Variants in NSUN6 observed in about 807,000 individuals in gnomAD.
NSUN6 encodes NOP2/Sun RNA methyltransferase 6, also known as tRNA (cytosine(72)-C(5))-methyltransferase NSUN6.
A neutral mutation model predicts 58.0 loss-of-function variants in NSUN6; 64 were observed. The observed-to-expected ratio is 1.10, with a 90% CI of 0.90 to 1.36. The LOEUF is 1.36. Among genes scored for constraint, NSUN6 ranks in the 40% most tolerant of loss-of-function variants. The pLI is 0.00. For missense variants in NSUN6, 701 were observed against 550.1 expected (o/e 1.27, Z -2.74); for synonymous variants, 231 against 193.9 (o/e 1.19, Z -1.59).
At chr10:18,633,483 A>G (rs188327406) in intron 3 of NSUN6, among the ~76,000 whole-genome samples, 11 of 152,298 alleles carry the variant, frequency 7.2e-5, no homozygotes, top group Admixed American at 6.5e-4. Context: ...AATAAAACTA[A>G]GAAACAGCTA....
intron 6 of NSUN6, among the ~76,000 whole-genome samples, chr10:18,599,846 T>C (rs926281680): frequency 1.3e-5 from 2 of 152,200 alleles, no homozygotes; most frequent in African/African-American, 4.8e-5. Context: ...TTGAAAACAG[T>C]TGCTGTATTT....
chr10:18,556,375 G>A (rs538067217), intron 8 of NSUN6, among the ~76,000 whole-genome samples: 1 of 150,740 alleles, frequency 6.6e-6, no homozygotes, highest in South Asian at 2.1e-4. Flanking sequence ...AGAATGGAAG[G>A]CAATGGAATG....
intron 8 of NSUN6, among the ~76,000 whole-genome samples, chr10:18,559,548 A>C (rs1020062325): frequency 6.7e-5 from 10 of 150,302 alleles, no homozygotes; most frequent in Admixed American, 6.0e-4. Flanking sequence ...AGTGGAGAAT[A>C]GAAACGAATT....
At chr10:18,573,620 C>G (rs75531151) in intron 8 of NSUN6, among the ~76,000 whole-genome samples, 2 of 152,092 alleles carry the variant, frequency 1.3e-5, no homozygotes, top group Non-Finnish European at 2.9e-5. Context: ...TTCTCCAGTA[C>G]GTGGATGACC....
At chr10:18,554,327 G>GTGGAA (rs1343195863) in intron 8 of NSUN6, among the ~76,000 whole-genome samples, 1 of 150,398 alleles carries the variant, frequency 6.6e-6, no homozygotes, top group South Asian at 2.1e-4. Flanking sequence ...GGAATGCAAT[G>GTGGAA]TGGAATGGAA....
intron 8 of NSUN6, among the ~76,000 whole-genome samples, chr10:18,583,788 C>A (rs1326646104): frequency 3.3e-5 from 5 of 152,140 alleles, no homozygotes; most frequent in Non-Finnish European, 5.9e-5. Flanking sequence ...AATGAGCATA[C>A]TTGAAGACAG....
chr10:18,635,408 A>G (rs1276038934), intron 3 of NSUN6, among the ~76,000 whole-genome samples: 2 of 152,220 alleles, frequency 1.3e-5, no homozygotes, highest in Non-Finnish European at 2.9e-5. Context: ...GATGTAGGTA[A>G]TATCTGTGCC....
At chr10:18,603,682 G>A (rs1047681867) in intron 6 of NSUN6, among the ~76,000 whole-genome samples, 13 of 151,960 alleles carry the variant, frequency 8.6e-5, no homozygotes, top group Non-Finnish European at 2.9e-5. Context: ...TCACCATGTT[G>A]GCTGCGCTGG....
intron 6 of NSUN6, among the ~76,000 whole-genome samples, chr10:18,606,820 A>C (rs1371942348): frequency 1.3e-5 from 2 of 152,234 alleles, no homozygotes; most frequent in East Asian, 3.8e-4. Context: ...AAGTTTTTCA[A>C]GTGATTTGAT....
chr10:18,621,868 G>A (rs1349398346), intron 3 of NSUN6, among the ~76,000 whole-genome samples: 1 of 152,188 alleles, frequency 6.6e-6, no homozygotes, highest in East Asian at 1.9e-4. Flanking sequence ...ACACCAAATG[G>A]AAGGTGATGG....
Position 18,651,121 on chromosome 10 carries a change from T to C in NSUN6, c.75+8A>G. The C allele has an allele frequency of 6.4e-7, 1 of 1,573,056 alleles. No homozygotes were observed. Among genetic ancestry groups the C allele is most frequent in the Non-Finnish European group, 8.6e-7 (1 of 1,168,870 alleles). On this transcript the variant is annotated splice_region_variant and intron_variant, in intron 1 of 10. Coordinates refer to ENST00000377304, the MANE Select transcript of NSUN6 (RefSeq NM_182543.5). ...CAAAATATCAACTAACATCTTTACT[T>C]GACCTACCTCCTTATTCATAAAGCC...
chr10:18,618,814 T>C (rs1335859569), intron 3 of NSUN6, among the ~76,000 whole-genome samples: 1 of 152,006 alleles, frequency 6.6e-6, no homozygotes, highest in Non-Finnish European at 1.5e-5. Flanking sequence ...AACTTTCTCA[T>C]CAGTTGGGTC....
At chr10:18,552,971 C>T (rs1219606557) in intron 8 of NSUN6, among the ~76,000 whole-genome samples, 2 of 151,160 alleles carry the variant, frequency 1.3e-5, no homozygotes, top group South Asian at 2.1e-4. Context: ...TTCCATTCTC[C>T]ATTCCATTCC....
intron 4 of NSUN6, 76 bp from the exon 5 acceptor site, chr10:18,614,689 C>A: frequency 4.3e-6 from 3 of 698,476 alleles, no homozygotes; most frequent in African/African-American, 1.8e-5. Context: ...TGAGCTAGAT[C>A]GGTGATCTCT....
At chr10:18,645,157 CAAAA>C (rs71402191) in intron 2 of NSUN6, among the ~76,000 whole-genome samples, 1 of 106,302 alleles carries the variant, frequency 9.4e-6, no homozygotes. Context: ...GACTCCCTCT[CAAAA>C]AAAAAAAAAA....
intron 8 of NSUN6, among the ~76,000 whole-genome samples, chr10:18,577,937 T>C (rs1230764197): frequency 2.0e-5 from 3 of 152,202 alleles, no homozygotes; most frequent in Non-Finnish European, 4.4e-5. Context: ...GCAGGAGCCA[T>C]ACGCGTAAGG....
At chr10:18,619,415 G>T (rs1437265350) in intron 3 of NSUN6, among the ~76,000 whole-genome samples, 2 of 152,082 alleles carry the variant, frequency 1.3e-5, no homozygotes, top group Non-Finnish European at 2.9e-5. Flanking sequence ...TGACTACTGG[G>T]TATTTCTCAC....
chr10:18,561,910 GA>G (rs1405121563), intron 8 of NSUN6, among the ~76,000 whole-genome samples: 1 of 150,078 alleles, frequency 6.7e-6, no homozygotes. Flanking sequence ...ACAATGGAAA[GA>G]AATGGAGAAT....
chr10:18,604,883 CTTT>C (rs1189835432), intron 6 of NSUN6, among the ~76,000 whole-genome samples: 1 of 139,840 alleles, frequency 7.2e-6, no homozygotes, highest in Admixed American at 7.2e-5. Flanking sequence ...AAGACTCTTT[CTTT>C]TTTTTTTTTT....
Sources: allele counts gnomAD v4.1 joint callset (sites outside exome capture counted in the v4.1 genomes callset), GRCh38; gene constraint gnomAD v4.1.1; transcripts MANE v1.5; gene names NCBI Gene and HGNC (gene_info 2026-07-23, HGNC 2026-07-21).